STX8: variants seen among roughly 807,000 people sequenced by gnomAD.
STX8 encodes syntaxin-8.
STX8 carries 23 observed loss-of-function variants against 37.5 expected under a neutral mutation model. That is an observed-to-expected ratio of 0.61 (90% CI 0.44 to 0.87). The LOEUF is 0.87. Among genes scored for constraint, STX8 ranks in the 40% least tolerant of loss-of-function variants. The pLI is 0.00. For synonymous variants in STX8, 115 were observed against 99.1 expected, an observed-to-expected ratio of 1.16 and a Z score of -0.95; for missense variants, 313 against 284.7, an observed-to-expected ratio of 1.10 and a Z score of -0.71.
intron 7 of STX8, among the ~76,000 whole-genome samples, chr17:9,302,247 T>A (rs1357710414): frequency 6.6e-6 from 1 of 152,212 alleles, no homozygotes; most frequent in Non-Finnish European, 1.5e-5. Context: ...AGCATCTGTG[T>A]TTATATACCC....
chr17:9,395,888 T>C (rs1256987696), intron 6 of STX8, among the ~76,000 whole-genome samples: 1 of 152,180 alleles, frequency 6.6e-6, no homozygotes, highest in East Asian at 1.9e-4. Context: ...TTTTAAAATA[T>C]TATCATCAGC....
intron 4 of STX8, among the ~76,000 whole-genome samples, chr17:9,533,537 G>T (rs533027461): frequency 3.3e-5 from 5 of 152,288 alleles, no homozygotes; most frequent in African/African-American, 9.6e-5. Context: ...GAAGACAAGT[G>T]ATAGGTGTAA....
At chr17:9,470,258 G>A (rs2142435807) in intron 6 of STX8, among the ~76,000 whole-genome samples, 1 of 152,340 alleles carries the variant, frequency 6.6e-6, no homozygotes, top group South Asian at 2.1e-4. Flanking sequence ...TTACCTTCCA[G>A]TTCAAGCTCC....
rs1460404285 is a variant in STX8, at chr17:9,274,725, T to C, written c.644-24080A>G. ...AATAATAATAATAATAAACAAAGTC[T>C]TCAAAAATACAACAATTTCTTTTTT... On this transcript the variant is annotated intron_variant, in intron 7 of 7. Transcript: ENST00000306357. Among the ~76,000 whole-genome samples, 15 of 122,908 alleles carry C rather than the reference T, an allele frequency of 1.2e-4. No homozygotes were observed. In the East Asian group the frequency reaches 2.2e-3, roughly 18 times the overall value. 80.6% of individuals were successfully genotyped at this position (122,908 alleles called of 152,430 possible). A position where few individuals can be genotyped will look rare whatever the true frequency, so the allele number is the denominator to read the frequency against.
chr17:9,523,917 C>G (rs1905460834), intron 4 of STX8, among the ~76,000 whole-genome samples: 1 of 152,208 alleles, frequency 6.6e-6, no homozygotes, highest in Non-Finnish European at 1.5e-5. Context: ...AATGCTTATG[C>G]ATTCAAGATG....
At chr17:9,370,720 T>C (rs1311710469) in intron 7 of STX8, among the ~76,000 whole-genome samples, 1 of 152,224 alleles carries the variant, frequency 6.6e-6, no homozygotes. Flanking sequence ...ATTCTTAGTC[T>C]GGTCTTTCAC....
intron 6 of STX8, among the ~76,000 whole-genome samples, chr17:9,488,821 A>AGTGTGTGTGTGTGTGTGTGT (rs71135988): frequency 1.4e-5 from 2 of 143,910 alleles, no homozygotes; most frequent in African/African-American, 5.2e-5. Context: ...AGAGAGAGAG[A>AGTGTGTGTGTGTGTGTGTGT]GTGTGTGTGT....
intron 6 of STX8, among the ~76,000 whole-genome samples, chr17:9,479,783 G>A (rs11870224): frequency 0.019 from 2,906 of 151,816 alleles, 89 homozygotes; most frequent in African/African-American, 0.066. Flanking sequence ...TGGTCACACC[G>A]ACACCACAAG....
chr17:9,427,637 C>T (rs567306683), intron 6 of STX8, among the ~76,000 whole-genome samples: 6 of 152,160 alleles, frequency 3.9e-5, no homozygotes, highest in Non-Finnish European at 8.8e-5. Flanking sequence ...CTGCGGCTGC[C>T]TCGAGGGATA....
In STX8 at chr17:9,524,085, C is replaced by T. The variant is rs140977856; in HGVS notation, c.324-18923G>A. Among the ~76,000 whole-genome samples, 437 of 152,332 alleles carry T rather than the reference C, an allele frequency of 2.9e-3. 3 individuals carry two copies. Among genetic ancestry groups the T allele is most frequent in the African/African-American group, 9.9e-3 (413 of 41,554 alleles). Reference sequence around the variant, plus strand: ...ATCTTTTCCCTCTGGAATGTGTAAGCTCCCTCGGGTAACTTTTATGCAACC... The same window carrying T: ...ATCTTTTCCCTCTGGAATGTGTAAGTTCCCTCGGGTAACTTTTATGCAACC... On this transcript the variant is annotated intron_variant, in intron 4 of 7. Coordinates refer to ENST00000306357, the MANE Select transcript of STX8 (RefSeq NM_004853.3).
intron 6 of STX8, among the ~76,000 whole-genome samples, chr17:9,394,953 G>A (rs1420726657): frequency 2.8e-5 from 2 of 71,380 alleles, no homozygotes; most frequent in Non-Finnish European, 5.1e-5. Flanking sequence ...GGCGGGCGCC[G>A]TAATCCCAAC....
At chr17:9,420,593 T>C (rs1291848708) in intron 6 of STX8, among the ~76,000 whole-genome samples, 1 of 152,188 alleles carries the variant, frequency 6.6e-6, no homozygotes, top group Admixed American at 6.5e-5. Flanking sequence ...CCAGCCTTCA[T>C]GCTCATGCTT....
In STX8 at chr17:9,500,492, T is replaced by C. The variant is rs1016609195; in HGVS notation, c.448+4546A>G. 3.3e-5 allele frequency among the ~76,000 whole-genome samples: 5 copies of C among 152,004 alleles called. 1 individual carries two copies. Among genetic ancestry groups the C allele is most frequent in the African/African-American group, 4.8e-5 (2 of 41,396 alleles). On this transcript the variant is annotated intron_variant, in intron 5 of 7. Transcript: ENST00000306357. ...AGTTGAGAAAAGTCCCAAGAGGCCA[T>C]GGTGGTTAGAGGATGTAGGGCACAG...
At chr17:9,468,500 C>G (rs1311703111) in intron 6 of STX8, among the ~76,000 whole-genome samples, 1 of 152,234 alleles carries the variant, frequency 6.6e-6, no homozygotes, top group Non-Finnish European at 1.5e-5. Flanking sequence ...TTCTAGTTAA[C>G]TCAGTCCCCA....
At chr17:9,336,995 A>G (rs1252234002) in intron 7 of STX8, among the ~76,000 whole-genome samples, 2 of 152,202 alleles carry the variant, frequency 1.3e-5, no homozygotes, top group African/African-American at 2.4e-5. Context: ...GTAAAATGGA[A>G]TGAGGTAGTC....
chr17:9,479,936 G>A (rs754038081), intron 6 of STX8, among the ~76,000 whole-genome samples: 8 of 152,078 alleles, frequency 5.3e-5, no homozygotes, highest in Non-Finnish European at 1.0e-4. Flanking sequence ...GCTCCTTTGC[G>A]TAAAGGCCCT....
At chr17:9,307,362 C>T (rs1322104718) in intron 7 of STX8, among the ~76,000 whole-genome samples, 3 of 152,122 alleles carry the variant, frequency 2.0e-5, no homozygotes, top group Non-Finnish European at 4.4e-5. Context: ...GGAGGGCTGA[C>T]CCCCACATGG....
rs200606281 is a variant in STX8 at position 9,344,258 on chromosome 17, C to CTTT, written c.643+34291_643+34293dup. On this transcript the variant is annotated intron_variant, in intron 7 of 7. Coordinates refer to ENST00000306357, the MANE Select transcript of STX8 (RefSeq NM_004853.3). ...TGGGCAGTCTGCCTCTGATACTAAA[C>CTTT]TTTTTTTTTTTTTTTTTTTTGAGAT... 5.0e-3 allele frequency among the ~76,000 whole-genome samples: 724 copies of CTTT among 145,932 alleles called. 11 individuals carry two copies. The highest frequency in any genetic ancestry group is 0.017 in the African/African-American group (642 of 38,612).
intron 6 of STX8, among the ~76,000 whole-genome samples, chr17:9,426,867 T>G (rs1302169322): frequency 6.6e-6 from 1 of 152,194 alleles, no homozygotes; most frequent in African/African-American, 2.4e-5. Flanking sequence ...TTATATCTTG[T>G]AAGAGACACA....
Sources: allele counts gnomAD v4.1 joint callset (sites outside exome capture counted in the v4.1 genomes callset), GRCh38; gene constraint gnomAD v4.1.1; transcripts MANE v1.5; gene names NCBI Gene and HGNC (gene_info 2026-07-23, HGNC 2026-07-21).